PLXDC2: variants seen among roughly 807,000 people sequenced by gnomAD.
The protein encoded by PLXDC2 is plexin domain-containing protein 2.
A neutral mutation model predicts 68.9 loss-of-function variants in PLXDC2; 40 were observed. The observed-to-expected ratio is 0.58, with a 90% CI of 0.45 to 0.76. PLXDC2 has a LOEUF of 0.76. PLXDC2 is among the 30% of genes least tolerant of loss of function. The pLI, the probability that PLXDC2 is intolerant of heterozygous loss-of-function variation, is 0.00. For synonymous variants in PLXDC2, 243 were observed against 234.2 expected (o/e 1.04, Z -0.34); for missense variants, 644 against 661.9 (o/e 0.97, Z 0.30).
rs1836354208 is a variant in PLXDC2, at chr10:19,816,964, T to C, written c.-116T>C. The C allele has an allele frequency of 2.8e-6, 2 of 706,590 alleles. No homozygotes were observed. Among genetic ancestry groups the C allele is most frequent in the Non-Finnish European group, 4.7e-6 (2 of 423,950 alleles). The allele number at this position is 706,590 out of a possible 1,614,324, so 43.8% of individuals were successfully genotyped here. ...AATCGCAGCGACATTTACAAAGGCC[T>C]CCGGGTCCTACCGAGACCGATCCGC... On this transcript the variant is annotated 5_prime_UTR_variant, in exon 1 of 14. Transcript: ENST00000377252.
At chr10:19,940,947 A>G (rs1833809119) in intron 1 of PLXDC2, among the ~76,000 whole-genome samples, 1 of 152,226 alleles carries the variant, frequency 6.6e-6, no homozygotes, top group African/African-American at 2.4e-5. Context: ...AGAATCATTT[A>G]CTTGCAGACC....
At chr10:19,878,182 T>C (rs1564616935) in intron 1 of PLXDC2, among the ~76,000 whole-genome samples, 1 of 9,124 alleles carries the variant, frequency 1.1e-4, no homozygotes, top group Non-Finnish European at 2.2e-4. Context: ...GGGCATCACA[T>C]ATTTTTTTTT....
chr10:20,221,940 A>G (rs536973813), intron 12 of PLXDC2, among the ~76,000 whole-genome samples: 5 of 152,318 alleles, frequency 3.3e-5, no homozygotes, highest in African/African-American at 1.2e-4. Context: ...GTTTTTTAAA[A>G]TAAGTTTTAT....
intron 1 of PLXDC2, among the ~76,000 whole-genome samples, chr10:19,980,000 G>A (rs1834525580): frequency 6.6e-6 from 1 of 152,070 alleles, no homozygotes; most frequent in Non-Finnish European, 1.5e-5. Flanking sequence ...TATATCCTGG[G>A]TACCATTTGA....
intron 1 of PLXDC2, among the ~76,000 whole-genome samples, chr10:19,959,978 T>C (rs1011828392): frequency 6.6e-6 from 1 of 152,160 alleles, no homozygotes; most frequent in Non-Finnish European, 1.5e-5. Context: ...ACAGCATCTT[T>C]GAGTCCCTCC....
chr10:20,230,103 C>G (rs1441896769), intron 12 of PLXDC2, among the ~76,000 whole-genome samples: 1 of 152,154 alleles, frequency 6.6e-6, no homozygotes, highest in Non-Finnish European at 1.5e-5. Flanking sequence ...ATACTAGTAA[C>G]TATTTCAAAT....
chr10:20,116,473 T>A (rs1474776220), intron 4 of PLXDC2, among the ~76,000 whole-genome samples: 1 of 151,892 alleles, frequency 6.6e-6, no homozygotes, highest in African/African-American at 2.4e-5. Context: ...TCACAGTAAA[T>A]CGAGAAGTTA....
At chr10:20,054,970 G>A (rs1338102465) in intron 3 of PLXDC2, among the ~76,000 whole-genome samples, 3 of 152,006 alleles carry the variant, frequency 2.0e-5, no homozygotes, top group Admixed American at 2.0e-4. Context: ...CCAATATACT[G>A]TTTGCCAGAC....
Position 19,966,339 on chromosome 10 carries a change from TATATA to T in PLXDC2, c.113-35432_113-35428del, listed in dbSNP as rs1356298196. On this transcript the variant is annotated intron_variant, in intron 1 of 13. Transcript: ENST00000377252. The stretch of plus-strand genomic sequence containing the variant: ...TATTTTATATATGTATATGTACACA[TATATA>T]ATAAATGTATGTATACACATATATA... 1.9e-3 allele frequency among the ~76,000 whole-genome samples: 11 copies of T among 5,836 alleles called. No individual in the cohort carries two copies. In the African/African-American group the frequency reaches 0.019, roughly 10 times the overall value. The allele number at this position is 5,836 out of a possible 152,430, so 3.8% of individuals were successfully genotyped here. A position where few individuals can be genotyped will look rare whatever the true frequency, so the allele number is the denominator to read the frequency against.
Position 19,817,146 on chromosome 10 carries a change from G to T in PLXDC2, c.67G>T (p.Asp23Tyr). 6.3e-7 allele frequency: 1 copy of T among 1,576,618 alleles called. No individual in the cohort carries two copies. The highest frequency in any genetic ancestry group is 1.4e-5 in the African/African-American group (1 of 74,004). The part of the protein sequence containing the change: ...GVMLLCHFFT[D>Y]QFQFADGKPG... ...TATGTTACTTTGCCACTTCTTCACG[G>T]ACCAGTTTCAGTTCGCCGATGGGAA... The change falls in exon 1 of 14, where the codon GAC becomes TAC. Residue 23 changes from aspartate (D) to tyrosine (Y), a missense_variant. By Grantham distance (160) the Asp-to-Tyr change is radical. Transcript: ENST00000377252.
chr10:19,960,485 AT>A (rs1324638014), intron 1 of PLXDC2, among the ~76,000 whole-genome samples: 1 of 152,146 alleles, frequency 6.6e-6, no homozygotes, highest in Non-Finnish European at 1.5e-5. Flanking sequence ...AACCTGTTAC[AT>A]TTGTGAGGAT....
intron 4 of PLXDC2, among the ~76,000 whole-genome samples, chr10:20,072,657 G>C (rs570270071): frequency 1.5e-4 from 23 of 152,276 alleles, no homozygotes; most frequent in African/African-American, 5.3e-4. Context: ...TAGGGTGAAG[G>C]GGGTGAAGGC....
intron 4 of PLXDC2, among the ~76,000 whole-genome samples, chr10:20,137,140 G>A (rs910009115): frequency 1.3e-5 from 2 of 152,180 alleles, no homozygotes; most frequent in Admixed American, 6.5e-5. Flanking sequence ...CAATTTTAAA[G>A]TTATATAAAT....
chr10:20,171,570 T>C (rs1359916550), intron 7 of PLXDC2, among the ~76,000 whole-genome samples: 1 of 152,172 alleles, frequency 6.6e-6, no homozygotes, highest in East Asian at 1.9e-4. Flanking sequence ...CCATTTCTAA[T>C]GTAAGCTAGT....
At chr10:20,032,778 G>C (rs1158529642) in intron 2 of PLXDC2, among the ~76,000 whole-genome samples, 1 of 151,798 alleles carries the variant, frequency 6.6e-6, no homozygotes, top group Non-Finnish European at 1.5e-5. Context: ...TATTTTTAAA[G>C]TGGCATCTAA....
At chr10:20,250,031 G>A (rs1835653782) in intron 13 of PLXDC2, among the ~76,000 whole-genome samples, 1 of 152,118 alleles carries the variant, frequency 6.6e-6, no homozygotes, top group African/African-American at 2.4e-5. Context: ...ACTTTGGGAG[G>A]CCAAGGCGGG....
intron 4 of PLXDC2, among the ~76,000 whole-genome samples, chr10:20,079,732 A>G (rs1053947763): frequency 6.6e-6 from 1 of 152,182 alleles, no homozygotes; most frequent in Non-Finnish European, 1.5e-5. Flanking sequence ...GAGTTGAACA[A>G]TAAGAACACA....
At chr10:19,839,035 A>G (rs1449361534) in intron 1 of PLXDC2, among the ~76,000 whole-genome samples, 1 of 151,968 alleles carries the variant, frequency 6.6e-6, no homozygotes, top group Non-Finnish European at 1.5e-5. Flanking sequence ...AAAATACAAA[A>G]ATCTTCCAGG....
chr10:19,877,900 T>G (rs551559411), intron 1 of PLXDC2, among the ~76,000 whole-genome samples: 6 of 152,368 alleles, frequency 3.9e-5, no homozygotes, highest in African/African-American at 1.4e-4. Context: ...TGGAGTAGCA[T>G]GTCCTACTTA....
Sources: allele counts gnomAD v4.1 joint callset (sites outside exome capture counted in the v4.1 genomes callset), GRCh38; gene constraint gnomAD v4.1.1; transcripts MANE v1.5; gene names NCBI Gene and HGNC (gene_info 2026-07-23, HGNC 2026-07-21).